ANAPC7: variants seen among roughly 807,000 people sequenced by gnomAD.
ANAPC7 encodes the protein anaphase promoting complex subunit 7.
In ANAPC7, 25 loss-of-function variants were observed where a neutral mutation model predicts 63.3. That is an observed-to-expected ratio of 0.39 (90% CI 0.29 to 0.55). The LOEUF (loss-of-function observed/expected upper bound fraction) is 0.55, where lower values mean the gene tolerates loss of function less well. Ranked by LOEUF, ANAPC7 falls within the 20% of genes least tolerant of loss-of-function variation. The pLI, the probability that ANAPC7 is intolerant of heterozygous loss-of-function variation, is 0.57. For synonymous variants in ANAPC7, 241 were observed against 251.7 expected (o/e 0.96, Z 0.40); for missense variants, 516 against 691.7 (o/e 0.75, Z 2.85).
chr12:110,402,962 G>T (rs141246304), intron 1 of ANAPC7, among the ~76,000 whole-genome samples: 2 of 150,452 alleles, frequency 1.3e-5, no homozygotes, highest in Non-Finnish European at 3.0e-5. Context: ...GGTTGGTCTT[G>T]AACTCCTGGG....
At chr12:110,375,002 C>G (rs1353373244) in intron 10 of ANAPC7, among the ~76,000 whole-genome samples, 1 of 152,010 alleles carries the variant, frequency 6.6e-6, no homozygotes, top group Non-Finnish European at 1.5e-5. Flanking sequence ...GTGACCATCA[C>G]CCAAGCCAGC....
chr12:110,383,899 G>GA (rs1194661087), intron 6 of ANAPC7, among the ~76,000 whole-genome samples: 21 of 94,008 alleles, frequency 2.2e-4, no homozygotes, highest in Admixed American at 4.7e-4. Flanking sequence ...AAAAAAAAAA[G>GA]AAAAAAAAAA....
intron 1 of ANAPC7, 76 bp from the exon 2 acceptor site, chr12:110,396,528 TGAAATAGA>T: frequency 8.8e-7 from 1 of 1,135,160 alleles, no homozygotes; most frequent in Non-Finnish European, 1.2e-6. Flanking sequence ...TTTTTTTTTT[TGAAATAGA>T]TTCTCACTCT....
chr12:110,401,104 C>CT (rs2062221509), intron 1 of ANAPC7, among the ~76,000 whole-genome samples: 2 of 152,128 alleles, frequency 1.3e-5, no homozygotes, highest in African/African-American at 4.8e-5. Context: ...CAATGGGCAG[C>CT]AGCAGCTGCA....
At chr12:110,380,088 C>T (rs1045785002) in intron 8 of ANAPC7, among the ~76,000 whole-genome samples, 1 of 152,200 alleles carries the variant, frequency 6.6e-6, no homozygotes, top group African/African-American at 2.4e-5. Flanking sequence ...CAGTGGTTCA[C>T]GTCTGTAATC....
At chr12:110,399,742 A>AT (rs2062199036) in intron 1 of ANAPC7, among the ~76,000 whole-genome samples, 1 of 149,870 alleles carries the variant, frequency 6.7e-6, no homozygotes, top group Non-Finnish European at 1.5e-5. Context: ...GTGAGCCAAG[A>AT]TCCCACCACT....
In ANAPC7 at chr12:110,376,568, CAAA is replaced by C. The variant is rs57434475; in HGVS notation, c.1358-355_1358-353del. 5.8e-4 allele frequency among the ~76,000 whole-genome samples: 36 copies of C among 62,404 alleles called. 1 individual carries two copies. In the Middle Eastern group the frequency reaches 0.036, roughly 62 times the overall value. 40.9% of individuals were successfully genotyped at this position (62,404 alleles called of 152,430 possible). A position where few individuals can be genotyped will look rare whatever the true frequency, so the allele number is the denominator to read the frequency against. On this transcript the variant is annotated intron_variant, in intron 9 of 10. Coordinates refer to ENST00000455511, the MANE Select transcript of ANAPC7 (RefSeq NM_016238.3). ...TGGGCAACAGAGCGAGACTCCATCT[CAAA>C]AAAAAAAAAAAAAAAGAAATTTGCA...
At chr12:110,382,459 A>AC (rs1229764014) in intron 7 of ANAPC7, among the ~76,000 whole-genome samples, 1 of 51,984 alleles carries the variant, frequency 1.9e-5, no homozygotes, top group East Asian at 3.7e-4. Flanking sequence ...AAAAAAAAAA[A>AC]AAATATATAT....
chr12:110,396,280 T>A lies in ANAPC7; in HGVS notation c.274A>T (p.Thr92Ser). ...TCTCCAATTACCTGACTTTGTGGAG[T>A]AGATGCAGAATTTCCAGTTGAAGGT... ...VRPSTGNSAS[T>S]PQSQCLPSEI... is the part of the protein sequence containing the mutation. The change falls in exon 2 of 11, where the codon ACT becomes TCT. Residue 92 changes from threonine to serine, a missense_variant. Thr to Ser is a moderately conservative substitution (Grantham distance 58). This residue lies in a region of ANAPC7 where 185 missense variants were observed against 200.3 expected (regional missense o/e 0.92). Transcript: ENST00000455511. 2 of 1,609,322 alleles carry A rather than the reference T, an allele frequency of 1.2e-6. No homozygotes were observed. The highest frequency in any genetic ancestry group is 1.7e-6 in the Non-Finnish European group (2 of 1,178,552).
intron 8 of ANAPC7, among the ~76,000 whole-genome samples, chr12:110,380,730 G>A (rs1158712413): frequency 5.3e-5 from 8 of 150,604 alleles, no homozygotes; most frequent in Non-Finnish European, 7.4e-5. Flanking sequence ...CGAGGCGGGC[G>A]GATCACGAGG....
chr12:110,375,821 A>C (rs1248490247), intron 10 of ANAPC7: 1 of 1,184,850 alleles, frequency 8.4e-7, no homozygotes, highest in African/African-American at 1.6e-5. Flanking sequence ...TATACAAATG[A>C]ACACAGATGT....
intron 2 of ANAPC7, 91 bp from the exon 3 acceptor site, chr12:110,395,311 A>C: frequency 7.7e-7 from 1 of 1,291,394 alleles, no homozygotes; most frequent in Non-Finnish European, 1.0e-6. Flanking sequence ...CATATGACCC[A>C]GCAATTCTTT....
intron 1 of ANAPC7, among the ~76,000 whole-genome samples, chr12:110,399,530 A>G (rs1318397318): frequency 1.3e-5 from 2 of 151,962 alleles, no homozygotes; most frequent in East Asian, 1.9e-4. Flanking sequence ...GAGAGTGATT[A>G]CTAATAGACA....
intron 1 of ANAPC7, among the ~76,000 whole-genome samples, chr12:110,401,782 G>A (rs1034753486): frequency 3.3e-5 from 5 of 151,750 alleles, no homozygotes; most frequent in African/African-American, 9.7e-5. Flanking sequence ...TCAGGAGATC[G>A]AGACCATCGT....
At chr12:110,397,325 C>A (rs898535825) in intron 1 of ANAPC7, among the ~76,000 whole-genome samples, 1 of 151,584 alleles carries the variant, frequency 6.6e-6, no homozygotes, top group Non-Finnish European at 1.5e-5. Context: ...GAGGCTGAGG[C>A]GGGCAGATCA....
intron 1 of ANAPC7, among the ~76,000 whole-genome samples, chr12:110,396,677 A>AT (rs2062143674): frequency 4.7e-5 from 4 of 85,418 alleles, no homozygotes; most frequent in African/African-American, 1.4e-4. Context: ...CACCCAGCTA[A>AT]TTTTTGTTTT....
chr12:110,381,980 A>C, intron 7 of ANAPC7, 32 bp from the exon 8 acceptor site: 6 of 1,498,756 alleles, frequency 4.0e-6, no homozygotes, highest in Non-Finnish European at 5.3e-6. Flanking sequence ...AAAACACAAA[A>C]ACCCCAGAAG....
chr12:110,374,392 T>A (rs1881064871), intron 10 of ANAPC7, 59 bp from the exon 11 acceptor site: 1 of 1,535,900 alleles, frequency 6.5e-7, no homozygotes. Context: ...TGCTGGCTGA[T>A]TCGTCATCTC....
chr12:110,395,030 A>G, intron 3 of ANAPC7, 71 bp downstream of exon 3: 2 of 1,539,720 alleles, frequency 1.3e-6, no homozygotes, highest in Admixed American at 4.0e-5. Flanking sequence ...TCCTTAATGC[A>G]TGAGAAAACA....
Sources: allele counts gnomAD v4.1 joint callset (sites outside exome capture counted in the v4.1 genomes callset), GRCh38; gene constraint gnomAD v4.1.1; regional missense constraint gnomAD v4.1.1; transcripts MANE v1.5; gene names NCBI Gene and HGNC (gene_info 2026-07-23, HGNC 2026-07-21).